PRKRIP1: variants seen among roughly 807,000 people sequenced by gnomAD.
PRKRIP1 encodes the protein PRKR-interacting protein 1.
Under a neutral mutation model 29.3 loss-of-function variants are expected in PRKRIP1, and 29 were observed. The observed-to-expected ratio is 0.99, with a 90% CI of 0.74 to 1.35. The LOEUF is 1.35. Ranked by LOEUF, PRKRIP1 falls within the 40% of genes most tolerant of loss-of-function variation. The probability of loss-of-function intolerance (pLI) is 0.00; values close to 1 mark genes in which losing one functional copy is unlikely to be tolerated. For missense variants in PRKRIP1, 247 were observed against 236.8 expected (o/e 1.04, Z -0.28); for synonymous variants, 90 against 85.1 (o/e 1.06, Z -0.32).
chr7:102,415,513 G>A (rs1796510518), intron 5 of PRKRIP1, among the ~76,000 whole-genome samples: 1 of 152,252 alleles, frequency 6.6e-6, no homozygotes, highest in Admixed American at 6.5e-5. Context: ...TGGGATTACA[G>A]GCGTGAGCCA....
chr7:102,398,827 A>G (rs180750853), intron 2 of PRKRIP1, among the ~76,000 whole-genome samples: 6 of 152,282 alleles, frequency 3.9e-5, no homozygotes, highest in Non-Finnish European at 5.9e-5. Flanking sequence ...CAATAGCATT[A>G]TGTCTTTAAA....
chr7:102,422,733 T>A (rs1232101933), intron 5 of PRKRIP1, among the ~76,000 whole-genome samples: 3 of 152,130 alleles, frequency 2.0e-5, no homozygotes, highest in African/African-American at 7.2e-5. Flanking sequence ...TGCCTCGGTC[T>A]CCCAAAGTGC....
rs557318611 is a variant in PRKRIP1, at chr7:102,417,455, A to G, written c.458-7559A>G. Among the ~76,000 whole-genome samples the G allele has an allele frequency of 1.5e-3, 229 of 152,094 alleles. 1 individual carries two copies. The Middle Eastern group carries it at 0.037, about 25-fold the overall frequency. ...CTTTCCATGTATTTATCATTATTTA[A>G]TCATTTCCATCTATCAGTATGAGCT... On this transcript the variant is annotated intron_variant, in intron 5 of 5. Transcript: ENST00000397912.
Position 102,425,202 on chromosome 7 carries a change from C to T in PRKRIP1, c.*91C>T. 1 of 1,532,198 alleles carries T rather than the reference C, an allele frequency of 6.5e-7. No individual in the cohort carries two copies. The highest frequency in any genetic ancestry group is 8.7e-7 in the Non-Finnish European group (1 of 1,144,240). The allele number at this position is 1,532,198 out of a possible 1,614,324, so 94.9% of individuals were successfully genotyped here. On this transcript the variant is annotated 3_prime_UTR_variant, in exon 6 of 6. Transcript: ENST00000397912. ...TTTGGCTCTTTCTCCCCCGCAAGGA[C>T]CCGCTGACCCGCTGGATGGAGAGCA... is the stretch of plus-strand genomic sequence containing the variant.
intron 5 of PRKRIP1, among the ~76,000 whole-genome samples, chr7:102,418,470 A>G (rs1796610788): frequency 6.6e-6 from 1 of 152,170 alleles, no homozygotes; most frequent in Non-Finnish European, 1.5e-5. Flanking sequence ...GAGCCAGGAA[A>G]TTTACCTGTG....
Position 102,396,496 on chromosome 7 carries a change from G to A in PRKRIP1, c.85G>A (p.Glu29Lys). 1.9e-6 allele frequency: 3 copies of A among 1,610,244 alleles called. No homozygotes were observed. Among genetic ancestry groups the A allele is most frequent in the Non-Finnish European group, 2.5e-6 (3 of 1,179,096 alleles). ...GCTCGTCATCCCCAAGAATGCGGCGGAGGAGCAGAAGCTCAAGCTGGAGCG... is the reference window on the plus strand; with the variant it reads ...GCTCGTCATCCCCAAGAATGCGGCGAAGGAGCAGAAGCTCAAGCTGGAGCG... ...QTLVIPKNAA[E>K]EQKLKLERLM... Residue 29 changes from glutamate to lysine, a missense_variant, in exon 1 of 6, where the codon GAG (glutamate) becomes AAG (lysine). By Grantham distance (56) the Glu-to-Lys change is moderately conservative. Coordinates refer to ENST00000397912, the MANE Select transcript of PRKRIP1 (RefSeq NM_024653.4).
In PRKRIP1 at chr7:102,401,309, T is replaced by C. The variant is rs188296177; in HGVS notation, c.306+1661T>C. Among the ~76,000 whole-genome samples the C allele has an allele frequency of 3.8e-4, 58 of 152,346 alleles. 1 individual carries two copies. Among genetic ancestry groups the C allele is most frequent in the Middle Eastern group, 3.4e-3 (1 of 294 alleles). ...AGCAGTGGATATATCTGCTGTATAATTCTTTTAACTTTTCTGTTTGAAATT... is the reference window on the plus strand; with the variant it reads ...AGCAGTGGATATATCTGCTGTATAACTCTTTTAACTTTTCTGTTTGAAATT... On this transcript the variant is annotated intron_variant, in intron 3 of 5. Coordinates refer to ENST00000397912, the MANE Select transcript of PRKRIP1 (RefSeq NM_024653.4).
At chr7:102,401,650 T>C (rs566332947) in intron 3 of PRKRIP1, among the ~76,000 whole-genome samples, 2 of 152,318 alleles carry the variant, frequency 1.3e-5, no homozygotes, top group South Asian at 2.1e-4. Context: ...GGAGAATCGC[T>C]TGAACCCAGG....
rs782591273 is a variant in PRKRIP1 at position 102,404,650 on chromosome 7, C to T, written c.359C>T (p.Ala120Val). ...QKRLEKNKIAAEEQTAKRRKK... is the reference protein window; with the variant it reads ...QKRLEKNKIAVEEQTAKRRKK... ...AGACTGGAAAAGAATAAAATTGCTG[C>T]AGAGGAGCAGACCGCAAAGCGCCGG... is the stretch of plus-strand genomic sequence containing the variant. Residue 120 changes from alanine (A) to valine (V), a missense_variant, in exon 4 of 6, where the codon GCA (alanine) becomes GTA (valine). Ala to Val is a moderately conservative substitution (Grantham distance 64, BLOSUM62 0). Around this residue, in one of 3 missense-constraint regions of PRKRIP1, gnomAD observed 134 missense variants for 126.6 expected, o/e 1.06. Coordinates refer to ENST00000397912, the MANE Select transcript of PRKRIP1 (RefSeq NM_024653.4). 1 of 1,613,862 alleles carries T rather than the reference C, an allele frequency of 6.2e-7. No homozygotes were observed. The highest frequency in any genetic ancestry group is 1.1e-5 in the South Asian group (1 of 91,068).
intron 5 of PRKRIP1, among the ~76,000 whole-genome samples, chr7:102,413,829 T>C (rs1554572778): frequency 6.6e-6 from 1 of 152,202 alleles, no homozygotes; most frequent in Non-Finnish European, 1.5e-5. Flanking sequence ...ACAAAGTGTG[T>C]GCTTCAGTTG....
chr7:102,401,469 C>T (rs1366692393), intron 3 of PRKRIP1, among the ~76,000 whole-genome samples: 1 of 152,182 alleles, frequency 6.6e-6, no homozygotes, highest in African/African-American at 2.4e-5. Flanking sequence ...CGTGGTGGCT[C>T]ATGCCTGTAA....
chr7:102,423,958 G>A (rs1796771727), intron 5 of PRKRIP1, among the ~76,000 whole-genome samples: 1 of 152,234 alleles, frequency 6.6e-6, no homozygotes, highest in South Asian at 2.1e-4. Flanking sequence ...CATTGCACCC[G>A]GCTTCCCCGT....
intron 5 of PRKRIP1, among the ~76,000 whole-genome samples, chr7:102,411,295 C>T (rs1194138228): frequency 1.3e-5 from 2 of 152,176 alleles, no homozygotes; most frequent in Non-Finnish European, 2.9e-5. Context: ...AAGTGACCCT[C>T]CCGCCTTGGC....
intron 5 of PRKRIP1, among the ~76,000 whole-genome samples, chr7:102,414,183 G>A (rs1320671222): frequency 2.0e-5 from 3 of 151,958 alleles, no homozygotes; most frequent in Middle Eastern, 3.2e-3. Flanking sequence ...GCGAAGATGC[G>A]CCACTGCACT....
At chr7:102,410,546 C>T (rs1796353749) in intron 5 of PRKRIP1, among the ~76,000 whole-genome samples, 1 of 152,194 alleles carries the variant, frequency 6.6e-6, no homozygotes, top group Non-Finnish European at 1.5e-5. Context: ...CCCATTTTTA[C>T]AGCTACTGTG....
intron 3 of PRKRIP1, among the ~76,000 whole-genome samples, chr7:102,400,215 C>G (rs1161465398): frequency 6.6e-6 from 1 of 151,808 alleles, no homozygotes; most frequent in Non-Finnish European, 1.5e-5. Context: ...GAGGCTGAGG[C>G]AGGAGAATTG....
chr7:102,421,225 A>C (rs2133204081), intron 5 of PRKRIP1, among the ~76,000 whole-genome samples: 1 of 152,310 alleles, frequency 6.6e-6, no homozygotes, highest in South Asian at 2.1e-4. Flanking sequence ...AAACACCAAA[A>C]GCCATGAACA....
At chr7:102,400,015 A>AG (rs1366448200) in intron 3 of PRKRIP1, among the ~76,000 whole-genome samples, 6 of 151,372 alleles carry the variant, frequency 4.0e-5, no homozygotes, top group Admixed American at 2.0e-4. Context: ...AAAAAAAAAA[A>AG]AGAGAGAAAA....
intron 5 of PRKRIP1, among the ~76,000 whole-genome samples, chr7:102,413,159 C>A (rs1586688067): frequency 6.6e-6 from 1 of 152,160 alleles, no homozygotes; most frequent in African/African-American, 2.4e-5. Flanking sequence ...CTAGTGTCTA[C>A]CCTCCCGAGG....
Sources: gnomAD v4.1 joint callset for allele counts (sites outside exome capture counted in the v4.1 genomes callset) on GRCh38, gnomAD v4.1.1 for gene constraint, gnomAD v4.1.1 regional missense constraint, MANE v1.5 for transcripts, NCBI Gene and HGNC (gene_info 2026-07-23, HGNC 2026-07-21) for gene names.